WWTR1: variants seen among roughly 807,000 people sequenced by gnomAD.
WWTR1 encodes WW domain-containing transcription regulator protein 1.
Under a neutral mutation model 40.1 loss-of-function variants are expected in WWTR1, and 13 were observed. The ratio of observed to expected loss-of-function variants is 0.32; its 90% confidence interval spans 0.21 to 0.52. The LOEUF is 0.52. Among genes scored for constraint, WWTR1 ranks in the 20% least tolerant of loss-of-function variants. The pLI, the probability that WWTR1 is intolerant of heterozygous loss-of-function variation, is 0.97. For synonymous variants in WWTR1, 230 were observed against 210.1 expected (o/e 1.09, Z -0.82); for missense variants, 436 against 523.1 (o/e 0.83, Z 1.63).
intron 6 of WWTR1, among the ~76,000 whole-genome samples, chr3:149,521,894 C>A (rs956588539): frequency 1.3e-5 from 2 of 152,148 alleles, no homozygotes; most frequent in Non-Finnish European, 2.9e-5. Context: ...ATCATATGCT[C>A]CTTTTACAAA....
Position 149,628,737 on chromosome 3 carries a change from TTTTTATTTTA to T in WWTR1, c.431+28129_431+28138del, listed in dbSNP as rs144977104. ...GTCTCACAAATGATTCTTTTTATTT[TTTTTATTTTA>T]TTTTATTTTATTTTATTTTATTTTA... On this transcript the variant is annotated intron_variant, in intron 2 of 6. Transcript: ENST00000360632. 8.9e-3 allele frequency among the ~76,000 whole-genome samples: 1,282 copies of T among 144,728 alleles called. 15 individuals carry two copies. The highest frequency in any genetic ancestry group is 0.025 in the African/African-American group (947 of 38,548). 94.9% of individuals were successfully genotyped at this position (144,728 alleles called of 152,430 possible). A position where few individuals can be genotyped will look rare whatever the true frequency, so the allele number is the denominator to read the frequency against.
At chr3:149,526,430 C>A (rs1735316824) in intron 5 of WWTR1, among the ~76,000 whole-genome samples, 1 of 149,982 alleles carries the variant, frequency 6.7e-6, no homozygotes. Flanking sequence ...AAAACAAAAA[C>A]TATGTTGAAT....
At chr3:149,531,571 G>A (rs545180144) in intron 4 of WWTR1, among the ~76,000 whole-genome samples, 3 of 151,778 alleles carry the variant, frequency 2.0e-5, no homozygotes, top group East Asian at 3.9e-4. Context: ...CTGCACCTGC[G>A]CCAACTGTTC....
chr3:149,571,960 C>T (rs930226929), intron 3 of WWTR1, among the ~76,000 whole-genome samples: 3 of 152,146 alleles, frequency 2.0e-5, no homozygotes, highest in Non-Finnish European at 4.4e-5. Flanking sequence ...GTGATTATCT[C>T]TAGTGGGGAT....
chr3:149,574,453 C>T (rs1398449381), intron 2 of WWTR1, among the ~76,000 whole-genome samples: 1 of 152,168 alleles, frequency 6.6e-6, no homozygotes, highest in Non-Finnish European at 1.5e-5. Context: ...CAGTCAGGCC[C>T]CCACCATTGA....
intron 2 of WWTR1, among the ~76,000 whole-genome samples, chr3:149,652,593 C>T (rs1712945663): frequency 8.2e-6 from 1 of 121,336 alleles, no homozygotes; most frequent in Non-Finnish European, 1.6e-5. Context: ...TGCACTCTAG[C>T]CTGGGTGACA....
intron 2 of WWTR1, among the ~76,000 whole-genome samples, chr3:149,639,642 T>C (rs79703770): frequency 0.012 from 1,770 of 152,210 alleles, 29 homozygotes; most frequent in African/African-American, 0.04. Flanking sequence ...TTACAACTTA[T>C]CCCATTATCT....
chr3:149,571,203 TTTTTTCTTTTC>T (rs1737606293), intron 3 of WWTR1, among the ~76,000 whole-genome samples: 1 of 144,050 alleles, frequency 6.9e-6, no homozygotes. Context: ...GTTTGAATTT[TTTTTTCTTTTC>T]TTTTTTTTTT....
At chr3:149,653,415 T>A (rs543400447) in intron 2 of WWTR1, among the ~76,000 whole-genome samples, 1 of 152,354 alleles carries the variant, frequency 6.6e-6, no homozygotes, top group Admixed American at 6.5e-5. Context: ...TAACATTCAA[T>A]CTGCTTCACT....
At chr3:149,659,906 A>ATACACG (rs1343857374), upstream of WWTR1, 1 of 148,344 alleles carries the variant, frequency 6.7e-6, no homozygotes, top group Non-Finnish European at 1.5e-5. Context: ...TAAGGCAGGC[A>ATACACG]TACACGTATC....
chr3:149,710,809 C>T (rs1408724483), intron 5 of WWTR1, among the ~76,000 whole-genome samples: 1 of 151,840 alleles, frequency 6.6e-6, no homozygotes, highest in Non-Finnish European at 1.5e-5. Flanking sequence ...GAACTCCTGA[C>T]CTCAAGTGAT....
chr3:149,561,416 C>T (rs777142782), intron 3 of WWTR1, among the ~76,000 whole-genome samples: 1 of 151,894 alleles, frequency 6.6e-6, no homozygotes, highest in African/African-American at 2.4e-5. Context: ...GGCCAGGGTA[C>T]GGGGAAGAAA....
intron 2 of WWTR1, among the ~76,000 whole-genome samples, chr3:149,595,005 A>G (rs980736998): frequency 1.8e-5 from 2 of 111,552 alleles, no homozygotes; most frequent in Non-Finnish European, 3.3e-5. Context: ...CTCTGTTGCC[A>G]GGCTGGAGTG....
intron 2 of WWTR1, among the ~76,000 whole-genome samples, chr3:149,624,932 T>C (rs1011677111): frequency 2.4e-4 from 37 of 151,890 alleles, no homozygotes; most frequent in African/African-American, 8.7e-4. Flanking sequence ...GGTTTCACCA[T>C]GTTGGCCAGG....
intron 5 of WWTR1, among the ~76,000 whole-genome samples, chr3:149,708,510 TCTA>T (rs1208697622): frequency 1.3e-5 from 2 of 152,172 alleles, no homozygotes; most frequent in Admixed American, 1.3e-4. Context: ...TAGCCACCAT[TCTA>T]CTTTCTCTTT....
At chr3:149,546,511 T>C (rs76265414) in intron 3 of WWTR1, among the ~76,000 whole-genome samples, 4,730 of 152,290 alleles carry the variant, frequency 0.031, 97 homozygotes, top group Middle Eastern at 0.078. Flanking sequence ...GGGCATGTTA[T>C]GCATGTGCAG....
intron 2 of WWTR1, among the ~76,000 whole-genome samples, chr3:149,652,671 G>GAAAAAAAAAA (rs1712958884): frequency 1.5e-5 from 1 of 65,656 alleles, no homozygotes; most frequent in Non-Finnish European, 3.3e-5. Flanking sequence ...AAAAAAAGAT[G>GAAAAAAAAAA]ATTATTTAAA....
intron 3 of WWTR1, among the ~76,000 whole-genome samples, chr3:149,556,985 C>G (rs1176036629): frequency 6.6e-6 from 1 of 151,090 alleles, no homozygotes; most frequent in Non-Finnish European, 1.5e-5. Flanking sequence ...GCTCTGAGAT[C>G]ATGCCACTAC....
rs751244616 is a variant in WWTR1 at position 149,572,905 on chromosome 3, G to A, written c.527C>T (p.Pro176Leu). Residue 176 changes from proline to leucine, a missense_variant, in exon 3 of 7, where the codon CCA becomes CTA. Pro to Leu is a moderately conservative substitution (Grantham distance 98). Transcript: ENST00000360632. ...TACTGCCATGGACCTCTGAGGCACT[G>A]GTGTGGAACTGACGGCAGGGTGGAG... The part of the protein sequence containing the change: ...MNLHPAVSST[P>L]VPQRSMAVSQ... 1.2e-6 allele frequency: 2 copies of A among 1,613,924 alleles called. No individual in the cohort carries two copies. Among genetic ancestry groups the A allele is most frequent in the South Asian group, 2.2e-5 (2 of 91,030 alleles).
Sources: gnomAD v4.1 joint callset for allele counts (sites outside exome capture counted in the v4.1 genomes callset) on GRCh38, gnomAD v4.1.1 for gene constraint, MANE v1.5 for transcripts, NCBI Gene and HGNC (gene_info 2026-07-23, HGNC 2026-07-21) for gene names.